ADGRL3: variants seen among roughly 807,000 people sequenced by gnomAD.
ADGRL3 encodes the protein adhesion G protein-coupled receptor L3, also known as calcium-independent alpha-latrotoxin receptor 3.
Under a neutral mutation model 153.5 loss-of-function variants are expected in ADGRL3, and 62 were observed. The ratio of observed to expected loss-of-function variants is 0.40; its 90% CI spans 0.33 to 0.50. The LOEUF (loss-of-function observed/expected upper bound fraction) is 0.50. Among genes scored for constraint, ADGRL3 ranks in the 20% least tolerant of loss-of-function variants. ADGRL3 has a pLI of 0.47. For synonymous variants in ADGRL3, 710 were observed against 672.5 expected (o/e 1.06, Z -0.86); for missense variants, 1,641 against 1,859.4 (o/e 0.88, Z 2.16).
chr4:62,048,004 A>G (rs1038396574), intron 25 of ADGRL3, among the ~76,000 whole-genome samples: 1 of 152,128 alleles, frequency 6.6e-6, no homozygotes, highest in Non-Finnish European at 1.5e-5. Flanking sequence ...GGACTTCAGG[A>G]TGGTTTATTC....
rs543010588 is a variant in ADGRL3, at chr4:62,020,881, C to T, written c.3396-7974C>T. 3.3e-5 allele frequency among the ~76,000 whole-genome samples: 5 copies of T among 152,038 alleles called. No homozygotes were observed. The East Asian group carries it at 7.7e-4, about 24-fold the overall frequency. On this transcript the variant is annotated intron_variant, in intron 21 of 26. Transcript: ENST00000683033. ...TACTTTGGTTATCTCTTTTAATGTT[C>T]ATTAGGAATTTTGGAAATACTTCCA...
At chr4:61,932,049 A>C (rs2098819750) in intron 13 of ADGRL3, among the ~76,000 whole-genome samples, 1 of 152,070 alleles carries the variant, frequency 6.6e-6, no homozygotes, top group Admixed American at 6.6e-5. Flanking sequence ...ATATATACAC[A>C]TACACATACA....
chr4:61,814,827 C>T (rs2097670225), intron 9 of ADGRL3, among the ~76,000 whole-genome samples: 2 of 152,000 alleles, frequency 1.3e-5, no homozygotes, highest in South Asian at 4.1e-4. Flanking sequence ...ATAGGGTGGA[C>T]CTATGTGCAC....
At chr4:61,605,371 G>A (rs575740929) in intron 5 of ADGRL3, among the ~76,000 whole-genome samples, 1 of 152,086 alleles carries the variant, frequency 6.6e-6, no homozygotes, top group Non-Finnish European at 1.5e-5. Flanking sequence ...ATGGAGTGGA[G>A]AAGATTGTTA....
intron 1 of ADGRL3, among the ~76,000 whole-genome samples, chr4:61,205,331 G>A (rs1214372699): frequency 6.6e-6 from 1 of 152,154 alleles, no homozygotes; most frequent in Non-Finnish European, 1.5e-5. Context: ...AACTGATTGC[G>A]ATTTTCATAT....
At chr4:61,519,438 G>A (rs978029728) in intron 4 of ADGRL3, among the ~76,000 whole-genome samples, 11 of 152,232 alleles carry the variant, frequency 7.2e-5, no homozygotes, top group African/African-American at 1.7e-4. Flanking sequence ...TGAGGTAAAC[G>A]TCTTGTGATT....
At chr4:61,560,913 T>C (rs1435538751) in intron 4 of ADGRL3, among the ~76,000 whole-genome samples, 1 of 152,170 alleles carries the variant, frequency 6.6e-6, no homozygotes, top group African/African-American at 2.4e-5. Context: ...CTATTTTCTT[T>C]CAGGTGAAAG....
At chr4:61,721,451 G>A (rs1447386342) in intron 6 of ADGRL3, among the ~76,000 whole-genome samples, 1 of 152,178 alleles carries the variant, frequency 6.6e-6, no homozygotes, top group Non-Finnish European at 1.5e-5. Flanking sequence ...AAGCCCAGAA[G>A]ACTCAACAAG....
chr4:61,939,869 G>A (rs1313495676), intron 15 of ADGRL3, among the ~76,000 whole-genome samples: 1 of 151,950 alleles, frequency 6.6e-6, no homozygotes, highest in Non-Finnish European at 1.5e-5. Context: ...AAGACTCACT[G>A]ATGATGTTCC....
rs1746596947 is a variant in ADGRL3 at position 62,074,673 on chromosome 4, AC to A, written c.*3766del. On this transcript the variant is annotated 3_prime_UTR_variant, in exon 27 of 27. Coordinates refer to ENST00000683033, the MANE Select transcript of ADGRL3 (RefSeq NM_001387552.1). ...ATCAGGAAAATATCTAACAAAAAGCACGTAAGGGAAATATCCTTAACTTCCT... is the reference window on the plus strand; with the variant it reads ...ATCAGGAAAATATCTAACAAAAAGCAGTAAGGGAAATATCCTTAACTTCCT... 6.6e-6 allele frequency: 1 copy of A among 152,182 alleles called. No individual in the cohort carries two copies. The highest frequency in any genetic ancestry group is 2.1e-4 in the South Asian group (1 of 4,836). 9.4% of individuals were successfully genotyped at this position (152,182 alleles called of 1,614,324 possible).
intron 6 of ADGRL3, among the ~76,000 whole-genome samples, chr4:61,700,945 C>T (rs912046762): frequency 6.6e-6 from 1 of 152,162 alleles, no homozygotes; most frequent in East Asian, 1.9e-4. Flanking sequence ...GAAAATACTT[C>T]TTTAACCCCA....
chr4:61,228,154 A>C (rs1356838630), intron 1 of ADGRL3, among the ~76,000 whole-genome samples: 1 of 152,078 alleles, frequency 6.6e-6, no homozygotes, highest in African/African-American at 2.4e-5. Context: ...GTAACTATGT[A>C]AAGTTGGTAA....
At chr4:61,860,352 G>A (rs1269322325) in intron 9 of ADGRL3, among the ~76,000 whole-genome samples, 3 of 151,862 alleles carry the variant, frequency 2.0e-5, no homozygotes, top group Non-Finnish European at 2.9e-5. Flanking sequence ...ACAGATAAAC[G>A]TAAGCCCTTT....
chr4:61,995,656 G>A (rs952140428), intron 19 of ADGRL3, among the ~76,000 whole-genome samples: 1 of 152,106 alleles, frequency 6.6e-6, no homozygotes, highest in African/African-American at 2.4e-5. Flanking sequence ...AAAAATTGGG[G>A]GAGTATTAAA....
chr4:61,456,608 G>A (rs1034900502), intron 2 of ADGRL3, among the ~76,000 whole-genome samples: 20 of 150,774 alleles, frequency 1.3e-4, no homozygotes, highest in African/African-American at 4.4e-4. Flanking sequence ...TGTAGCAGAG[G>A]CAGATAAAAA....
intron 2 of ADGRL3, among the ~76,000 whole-genome samples, chr4:61,407,278 T>G (rs1045717634): frequency 6.6e-6 from 1 of 151,996 alleles, no homozygotes; most frequent in East Asian, 1.9e-4. Flanking sequence ...AGTAAGGTGT[T>G]TAAAAAATAA....
intron 8 of ADGRL3, among the ~76,000 whole-genome samples, chr4:61,769,564 G>A (rs1376972241): frequency 6.6e-6 from 1 of 152,100 alleles, no homozygotes; most frequent in Non-Finnish European, 1.5e-5. Flanking sequence ...CATGTGAAGA[G>A]ACCACCAAAC....
intron 1 of ADGRL3, among the ~76,000 whole-genome samples, chr4:61,256,512 A>C (rs985256813): frequency 1.9e-4 from 29 of 152,160 alleles, no homozygotes; most frequent in African/African-American, 7.0e-4. Context: ...AGCCAGTAAA[A>C]GGACTTGACA....
At chr4:61,280,109 T>TTTC (rs1420486549) in intron 1 of ADGRL3, among the ~76,000 whole-genome samples, 33 of 43,658 alleles carry the variant, frequency 7.6e-4, no homozygotes, top group South Asian at 1.6e-3. Context: ...TTTCTTTTCT[T>TTTC]TTTCTTTTTT....
Sources: gnomAD v4.1 joint callset for allele counts (sites outside exome capture counted in the v4.1 genomes callset) on GRCh38, gnomAD v4.1.1 for gene constraint, MANE v1.5 for transcripts, NCBI Gene and HGNC (gene_info 2026-07-23, HGNC 2026-07-21) for gene names.